The following DSCAM variants were observed in gnomAD, a reference collection of about 807,000 sequenced individuals.
The protein encoded by DSCAM is DS cell adhesion molecule, also known as cell adhesion molecule DSCAM.
DSCAM carries 47 observed loss-of-function variants against 217.7 expected under a neutral mutation model. The ratio of observed to expected loss-of-function variants is 0.22; its 90% confidence interval spans 0.17 to 0.28. DSCAM has a LOEUF of 0.28. Among genes scored for constraint, DSCAM ranks in the 10% least tolerant of loss-of-function variants. The pLI is 1.00. For synonymous variants in DSCAM, 1,056 were observed against 1,015.3 expected, an observed-to-expected ratio of 1.04 and a Z score of -0.76; for missense variants, 2,080 against 2,618.3, an observed-to-expected ratio of 0.79 and a Z score of 4.49.
chr21:40,167,069 C>G (rs1477260679), intron 16 of DSCAM, 149 bp downstream of exon 16: 1 of 613,802 alleles, frequency 1.6e-6, no homozygotes, highest in Non-Finnish European at 2.8e-6. Flanking sequence ...GATACAAATA[C>G]TGCATTTTAA....
intron 14 of DSCAM, 90 bp from the exon 15 acceptor site, chr21:40,179,184 CAAAAAAAAAAAAAAAA>C: frequency 1.0e-5 from 1 of 98,950 alleles, no homozygotes; most frequent in East Asian, 5.3e-4. Flanking sequence ...AATTAAAAAC[CAAAAAAAAAAAAAAAA>C]AAAAAAAAAG....
At chr21:40,597,063 G>T (rs993997444) in intron 3 of DSCAM, among the ~76,000 whole-genome samples, 1 of 152,060 alleles carries the variant, frequency 6.6e-6, no homozygotes, top group Non-Finnish European at 1.5e-5. Context: ...AAATATTTTT[G>T]CTAGTTAATT....
intron 21 of DSCAM, 134 bp from the exon 22 acceptor site, chr21:40,087,421 C>T (rs751321477): frequency 9.2e-6 from 6 of 650,228 alleles, no homozygotes; most frequent in Non-Finnish European, 1.7e-5. Context: ...GTCAACACTA[C>T]TCTCTGGTAC....
intron 3 of DSCAM, among the ~76,000 whole-genome samples, chr21:40,570,084 C>T (rs2146201940): frequency 1.3e-5 from 2 of 152,128 alleles, no homozygotes; most frequent in East Asian, 3.9e-4. Context: ...AAAGAGATCT[C>T]CCCAGGTACA....
At chr21:40,633,730 G>A (rs1477900415) in intron 3 of DSCAM, among the ~76,000 whole-genome samples, 1 of 152,200 alleles carries the variant, frequency 6.6e-6, no homozygotes, top group African/African-American at 2.4e-5. Flanking sequence ...GCTAAGAACT[G>A]TTTGATGGGG....
intron 27 of DSCAM, among the ~76,000 whole-genome samples, chr21:40,063,983 A>G (rs1348791484): frequency 1.3e-5 from 2 of 151,830 alleles, no homozygotes; most frequent in Non-Finnish European, 2.9e-5. Flanking sequence ...GGGCCCATAT[A>G]CTCCACCCAC....
At chr21:40,754,998 C>G (rs527341277) in intron 1 of DSCAM, among the ~76,000 whole-genome samples, 3 of 152,284 alleles carry the variant, frequency 2.0e-5, no homozygotes, top group African/African-American at 7.2e-5. Context: ...TAAGGCAGAA[C>G]AAAGCTTGGA....
chr21:40,836,405 G>A (rs2123665714), intron 1 of DSCAM, among the ~76,000 whole-genome samples: 1 of 152,336 alleles, frequency 6.6e-6, no homozygotes, highest in South Asian at 2.1e-4. Flanking sequence ...TTCGTAAGCT[G>A]CTAGCATCCA....
At chr21:40,406,537 C>G (rs1422442304) in intron 3 of DSCAM, among the ~76,000 whole-genome samples, 1 of 152,152 alleles carries the variant, frequency 6.6e-6, no homozygotes, top group Non-Finnish European at 1.5e-5. Flanking sequence ...GTGAAACAAG[C>G]CAGGCACGGA....
At chr21:40,307,634 G>A (rs987598106) in intron 9 of DSCAM, among the ~76,000 whole-genome samples, 11 of 152,118 alleles carry the variant, frequency 7.2e-5, no homozygotes, top group Admixed American at 3.3e-4. Flanking sequence ...ACATGCACAC[G>A]TATGTTTATT....
chr21:40,820,275 C>T (rs1264401644), intron 1 of DSCAM, among the ~76,000 whole-genome samples: 1 of 152,064 alleles, frequency 6.6e-6, no homozygotes, highest in Non-Finnish European at 1.5e-5. Flanking sequence ...GAATACTATG[C>T]AGCCATAAAA....
chr21:40,262,420 C>T (rs74480411), intron 11 of DSCAM, among the ~76,000 whole-genome samples: 4,631 of 152,134 alleles, frequency 0.03, 227 homozygotes, highest in African/African-American at 0.11. Context: ...GAACTTGCCC[C>T]GCCTCCAGAA....
rs1020351085 is a variant in DSCAM, at chr21:40,172,448, G to A, written c.2948-5160C>T. 3.9e-5 allele frequency among the ~76,000 whole-genome samples: 6 copies of A among 152,220 alleles called. No individual in the cohort carries two copies. The East Asian group carries it at 7.7e-4, about 20-fold the overall frequency. On this transcript the variant is annotated intron_variant, in intron 15 of 32. Coordinates refer to ENST00000400454, the MANE Select transcript of DSCAM (RefSeq NM_001389.5). ...AACACAGGGATGACAGGCACCTCCT[G>A]ATTGCCAAACGCATGGATCTCCGCT...
chr21:40,142,573 TG>T lies in DSCAM; in HGVS notation c.3390del (p.Asn1131ThrfsTer65). The T allele has an allele frequency of 6.2e-7, 1 of 1,614,144 alleles. No homozygotes were observed. The highest frequency in any genetic ancestry group is 8.5e-7 in the Non-Finnish European group (1 of 1,179,992). On this transcript the variant is annotated frameshift_variant, in exon 18 of 33. Transcript: ENST00000400454. LOFTEE classifies it high-confidence loss of function. ...GTCCTCTTACCTCCGTCCATGAGGT[TG>T]GCCCAGTAAATGACTCTGAACCCCT... ...ILQGFRVIYW[A>X]NLMDGELGEI...
intron 3 of DSCAM, among the ~76,000 whole-genome samples, chr21:40,463,781 G>T (rs1163503537): frequency 6.6e-6 from 1 of 152,148 alleles, no homozygotes; most frequent in Admixed American, 6.5e-5. Flanking sequence ...AGCCTCTTTG[G>T]CATCCTTCTT....
intron 1 of DSCAM, among the ~76,000 whole-genome samples, chr21:40,826,297 A>G (rs1046611824): frequency 1.2e-4 from 19 of 152,194 alleles, no homozygotes; most frequent in Admixed American, 3.9e-4. Flanking sequence ...CGGCCAGTGC[A>G]GTGCTGAGGA....
intron 3 of DSCAM, among the ~76,000 whole-genome samples, chr21:40,631,335 G>A (rs2089689131): frequency 2.0e-5 from 3 of 152,176 alleles, no homozygotes; most frequent in Admixed American, 2.0e-4. Flanking sequence ...TGCTCTAGCA[G>A]CTCAGATTCC....
intron 8 of DSCAM, among the ~76,000 whole-genome samples, chr21:40,325,425 A>G (rs897004533): frequency 7.2e-5 from 11 of 152,338 alleles, no homozygotes; most frequent in African/African-American, 2.6e-4. Flanking sequence ...ACATAGAACA[A>G]ATACAGAAAA....
intron 19 of DSCAM, 44 bp downstream of exon 19, chr21:40,133,810 C>A: frequency 6.4e-7 from 1 of 1,556,366 alleles, no homozygotes; most frequent in South Asian, 1.2e-5. Flanking sequence ...TGTGACCCAG[C>A]CCTTCCAGCA....
Sources: allele counts gnomAD v4.1 joint callset (sites outside exome capture counted in the v4.1 genomes callset), GRCh38; gene constraint gnomAD v4.1.1; transcripts MANE v1.5; gene names NCBI Gene and HGNC (gene_info 2026-07-23, HGNC 2026-07-21).